NFATC1: variants seen among roughly 807,000 people sequenced by gnomAD.
NFATC1 encodes nuclear factor of activated T cells 1, also known as nuclear factor of activated T-cells, cytoplasmic 1.
Under a neutral mutation model 76.0 loss-of-function variants are expected in NFATC1, and 22 were observed. The ratio of observed to expected loss-of-function variants is 0.29; its 90% CI spans 0.21 to 0.41. The LOEUF is 0.41. Ranked by LOEUF, NFATC1 falls within the 10% of genes least tolerant of loss-of-function variation. NFATC1 has a pLI of 1.00. For missense variants in NFATC1, 1,357 were observed against 1,337.7 expected (o/e 1.01, Z -0.23); for synonymous variants, 704 against 613.1 (o/e 1.15, Z -2.19).
chr18:79,432,410 T>TG (rs2086630883), intron 2 of NFATC1, among the ~76,000 whole-genome samples: 1 of 52,128 alleles, frequency 1.9e-5, no homozygotes, highest in African/African-American at 7.8e-5. Flanking sequence ...TCTGGCCACA[T>TG]AGCGGTGAGG....
chr18:79,412,580 G>A (rs529853281), intron 2 of NFATC1, among the ~76,000 whole-genome samples: 3 of 152,314 alleles, frequency 2.0e-5, no homozygotes, highest in East Asian at 3.9e-4. Context: ...TGCTCTGGGA[G>A]GACCCGTCTC....
chr18:79,440,648 G>A (rs574707646), intron 3 of NFATC1, among the ~76,000 whole-genome samples: 3 of 152,238 alleles, frequency 2.0e-5, no homozygotes, highest in Non-Finnish European at 2.9e-5. Context: ...ACCCAGCTGG[G>A]TTCTCCCGGG....
chr18:79,396,435 G>A lies in NFATC1; in HGVS notation c.127+84G>A, dbSNP rs570289190. ...CCCCCCGACCCCGCCCCCGTCGCCC[G>A]CACGGAGGGGTCCGGGCCAGAGAAC... On this transcript the variant is annotated intron_variant, in intron 1 of 9. Coordinates refer to ENST00000427363, the MANE Select transcript of NFATC1 (RefSeq NM_001278669.2). 1.4e-3 allele frequency: 1,271 copies of A among 911,790 alleles called. 2 individuals carry two copies. The highest frequency in any genetic ancestry group is 2.3e-3 in the South Asian group (44 of 18,774). 56.5% of individuals were successfully genotyped at this position (911,790 alleles called of 1,614,324 possible). A position where few individuals can be genotyped will look rare whatever the true frequency, so the allele number is the denominator to read the frequency against.
chr18:79,414,162 G>A (rs1046348755), intron 2 of NFATC1, among the ~76,000 whole-genome samples: 2 of 152,182 alleles, frequency 1.3e-5, no homozygotes, highest in Admixed American at 6.5e-5. Context: ...CCAGCGAGGT[G>A]GAGAGGCCAG....
At chr18:79,489,090 C>T (rs2089604109) in intron 9 of NFATC1, among the ~76,000 whole-genome samples, 1 of 152,220 alleles carries the variant, frequency 6.6e-6, no homozygotes, top group Admixed American at 6.5e-5. Flanking sequence ...GCCAAAGCCT[C>T]ACCAGGTGGC....
chr18:79,431,771 C>T lies in NFATC1; in HGVS notation c.1227-1808C>T, dbSNP rs573799725. On this transcript the variant is annotated intron_variant, in intron 2 of 9. Transcript: ENST00000427363. ...AGGCTGGAGTGCAGTGGCGCGATCTCGGCTCACTGCAACCTCCTCCTCTTC... is the reference window on the plus strand; with the variant it reads ...AGGCTGGAGTGCAGTGGCGCGATCTTGGCTCACTGCAACCTCCTCCTCTTC... Among the ~76,000 whole-genome samples, 12 of 152,044 alleles carry T rather than the reference C, an allele frequency of 7.9e-5. No homozygotes were observed. The South Asian group carries it at 2.1e-3, about 26-fold the overall frequency.
At chr18:79,462,004 T>C (rs1228893756) in intron 7 of NFATC1, among the ~76,000 whole-genome samples, 1 of 152,178 alleles carries the variant, frequency 6.6e-6, no homozygotes, top group Non-Finnish European at 1.5e-5. Flanking sequence ...CGTGGCTGGG[T>C]CACACTTCTG....
chr18:79,522,652 G>T (rs757205440), intron 9 of NFATC1, among the ~76,000 whole-genome samples: 2 of 152,182 alleles, frequency 1.3e-5, no homozygotes, highest in Non-Finnish European at 1.5e-5. Flanking sequence ...CCTCAGATAC[G>T]CCAAGTTCCG....
rs182714092 is a variant in NFATC1 at position 79,455,877 on chromosome 18, G to C, written c.1903+4061G>C. Among the ~76,000 whole-genome samples, 764 of 152,304 alleles carry C rather than the reference G, an allele frequency of 5.0e-3. 8 individuals carry two copies. The highest frequency in any genetic ancestry group is 0.017 in the African/African-American group (706 of 41,580). Reference sequence around the variant, plus strand: ...GGCAGGCACTAGCCACACTGCAGGAGACGCAGGCTAGGTTTCCAGATTTCT... The same window carrying C: ...GGCAGGCACTAGCCACACTGCAGGACACGCAGGCTAGGTTTCCAGATTTCT... On this transcript the variant is annotated intron_variant, in intron 6 of 9. Transcript: ENST00000427363.
rs1406491385 is a variant in NFATC1 at position 79,505,874 on chromosome 18, G to GAT, written c.2782+18937_2782+18938insAT. Reference sequence around the variant, plus strand: ...CTGCTGCGTGGGAGGAGGTGGTGCTGGAGGCCCTTGGATGAGGGAAGAGGC... The same window carrying GAT: ...CTGCTGCGTGGGAGGAGGTGGTGCTGATGAGGCCCTTGGATGAGGGAAGAGGC... On this transcript the variant is annotated intron_variant, in intron 9 of 9. Transcript: ENST00000427363. Among the ~76,000 whole-genome samples the GAT allele has an allele frequency of 3.7e-3, 523 of 142,616 alleles. 5 individuals are homozygous for GAT. The highest frequency in any genetic ancestry group is 0.013 in the African/African-American group (504 of 38,182). 93.6% of individuals were successfully genotyped at this position (142,616 alleles called of 152,430 possible).
At chr18:79,507,955 G>A (rs1370716062) in intron 9 of NFATC1, among the ~76,000 whole-genome samples, 1 of 152,260 alleles carries the variant, frequency 6.6e-6, no homozygotes, top group Admixed American at 6.5e-5. Context: ...GTCAGGCGGA[G>A]GATCCCTGTT....
intron 1 of NFATC1, among the ~76,000 whole-genome samples, chr18:79,400,826 C>CCCTCCCCCGCCCTCCCCCCCGCG (rs2085191026): frequency 4.0e-5 from 2 of 50,488 alleles, no homozygotes; most frequent in Non-Finnish European, 9.1e-5. Flanking sequence ...CCTCCCCGAC[C>CCCTCCCCCGCCCTCCCCCCCGCG]CCCCGACCCC....
chr18:79,453,570 G>A (rs1026969350), intron 6 of NFATC1, among the ~76,000 whole-genome samples: 3 of 152,128 alleles, frequency 2.0e-5, no homozygotes, highest in Admixed American at 6.5e-5. Flanking sequence ...CCTTAAGCTC[G>A]GCTGCCACAG....
intron 9 of NFATC1, among the ~76,000 whole-genome samples, chr18:79,501,109 TA>T (rs894901321): frequency 1.3e-5 from 2 of 151,580 alleles, no homozygotes; most frequent in Admixed American, 6.6e-5. Context: ...TCCAACAACA[TA>T]AAAAAAAGAT....
Position 79,488,298 on chromosome 18 carries a change from TTGTGTGTGTG to T in NFATC1, c.2782+1390_2782+1399del, listed in dbSNP as rs3222211. Among the ~76,000 whole-genome samples the T allele has an allele frequency of 1.2e-3, 171 of 141,098 alleles. 1 individual carries two copies. The East Asian group carries it at 0.014, about 11-fold the overall frequency. 92.6% of individuals were successfully genotyped at this position (141,098 alleles called of 152,430 possible). ...TGTCCCATGGAGCCCGCAGCCCTGG[TTGTGTGTGTG>T]TGTGTGTGTGTGTGTGTGTGTGTGT... On this transcript the variant is annotated intron_variant, in intron 9 of 9. Transcript: ENST00000427363.
chr18:79,485,764 C>T (rs868835291), intron 8 of NFATC1, among the ~76,000 whole-genome samples: 14 of 152,230 alleles, frequency 9.2e-5, no homozygotes, highest in African/African-American at 3.4e-4. Context: ...GTTTTTCTTT[C>T]GCAGTGACGG....
At chr18:79,403,123 G>T (rs114085265) in intron 1 of NFATC1, among the ~76,000 whole-genome samples, 2 of 152,250 alleles carry the variant, frequency 1.3e-5, no homozygotes, top group Non-Finnish European at 2.9e-5. Context: ...GGCTGCAGCC[G>T]CAGGGTGGCT....
At chr18:79,485,934 C>T (rs1384532890) in intron 8 of NFATC1, among the ~76,000 whole-genome samples, 2 of 152,260 alleles carry the variant, frequency 1.3e-5, no homozygotes, top group African/African-American at 2.4e-5. Flanking sequence ...TTGAAACTTT[C>T]GCTTTGATTC....
chr18:79,520,158 G>A (rs2090480284), intron 9 of NFATC1, among the ~76,000 whole-genome samples: 2 of 152,244 alleles, frequency 1.3e-5, no homozygotes, highest in Admixed American at 1.3e-4. Context: ...AGCCCATCAG[G>A]CGACAGCCTT....
Sources: gnomAD v4.1 joint callset for allele counts (sites outside exome capture counted in the v4.1 genomes callset) on GRCh38, gnomAD v4.1.1 for gene constraint, MANE v1.5 for transcripts, NCBI Gene and HGNC (gene_info 2026-07-23, HGNC 2026-07-21) for gene names.